The following MACROH2A2 variants were observed in gnomAD, a reference collection of about 807,000 sequenced individuals.
MACROH2A2 encodes the protein macroH2A.2 histone.
A neutral mutation model predicts 37.6 loss-of-function variants in MACROH2A2; 6 were observed. The ratio of observed to expected loss-of-function variants is 0.16; its 90% confidence interval spans 0.09 to 0.32. The LOEUF (loss-of-function observed/expected upper bound fraction) is 0.32. Among genes scored for constraint, MACROH2A2 ranks in the 10% least tolerant of loss-of-function variants. The pLI, the probability that MACROH2A2 is intolerant of heterozygous loss-of-function variation, is 1.00. For synonymous variants in MACROH2A2, 192 were observed against 202.7 expected (o/e 0.95, Z 0.45); for missense variants, 290 against 485.9 (o/e 0.60, Z 3.79).
chr10:70,073,995 G>A (rs779755419), intron 1 of MACROH2A2, among the ~76,000 whole-genome samples: 7 of 152,294 alleles, frequency 4.6e-5, no homozygotes, highest in African/African-American at 7.2e-5. Context: ...CCTTGGGGAA[G>A]AGAGCTTTGA....
In MACROH2A2 at chr10:70,088,189, G is replaced by A. The variant is rs376272958; in HGVS notation, c.173-1871G>A. 9.8e-4 allele frequency among the ~76,000 whole-genome samples: 142 copies of A among 144,482 alleles called. No individual in the cohort carries two copies. In the East Asian group the frequency reaches 0.026, roughly 27 times the overall value. The allele number at this position is 144,482 out of a possible 152,430, so 94.8% of individuals were successfully genotyped here. A position where few individuals can be genotyped will look rare whatever the true frequency, so the allele number is the denominator to read the frequency against. ...CGCACACACACGCACACATATGCCC[G>A]CCTGCACACTCACACACACACAGTA... On this transcript the variant is annotated intron_variant, in intron 2 of 8. Transcript: ENST00000373255.
intron 1 of MACROH2A2, among the ~76,000 whole-genome samples, chr10:70,060,098 G>A (rs1176117115): frequency 1.3e-5 from 2 of 152,150 alleles, no homozygotes; most frequent in African/African-American, 2.4e-5. Flanking sequence ...GGCCAGGTGC[G>A]GTGGTTCACG....
intron 7 of MACROH2A2, among the ~76,000 whole-genome samples, chr10:70,102,893 TAGA>T (rs1312450188): frequency 6.7e-6 from 1 of 149,484 alleles, no homozygotes; most frequent in East Asian, 1.9e-4. Flanking sequence ...AGCCTCCATG[TAGA>T]CAGAGACAGG....
rs181231399 is a variant in MACROH2A2 at position 70,065,233 on chromosome 10, C to T, written c.-59-10367C>T. On this transcript the variant is annotated intron_variant, in intron 1 of 8. Transcript: ENST00000373255. ...CTGGGATTACAGGCACGCACCACCA[C>T]GCTCAGCTAATTTTTGTATTTTTAG... is the stretch of plus-strand genomic sequence containing the variant. 3.4e-4 allele frequency among the ~76,000 whole-genome samples: 52 copies of T among 152,112 alleles called. 1 individual carries two copies. Among genetic ancestry groups the T allele is most frequent in the Admixed American group, 2.6e-3 (39 of 15,274 alleles).
chr10:70,095,325 G>A lies in MACROH2A2; in HGVS notation c.589-329G>A, dbSNP rs906138338. Among the ~76,000 whole-genome samples the A allele has an allele frequency of 1.3e-4, 19 of 149,498 alleles. 1 individual carries two copies. The highest frequency in any genetic ancestry group is 4.7e-4 in the African/African-American group (19 of 40,404). Reference sequence around the variant, plus strand: ...AGAGCTTGCAGTGAGCCGAGATCACGCCACTGCACTCCAGCCTGGGAGACA... The same window carrying A: ...AGAGCTTGCAGTGAGCCGAGATCACACCACTGCACTCCAGCCTGGGAGACA... On this transcript the variant is annotated intron_variant, in intron 5 of 8. Transcript: ENST00000373255.
At chr10:70,063,550 C>T (rs72642213) in intron 1 of MACROH2A2, among the ~76,000 whole-genome samples, 6,341 of 152,268 alleles carry the variant, frequency 0.042, 426 homozygotes, top group East Asian at 0.24. Flanking sequence ...TTTTTTAACA[C>T]GACATTATTA....
At position 70,079,563 on chromosome 10, in the gene MACROH2A2, G is replaced by GCACACACACACACA. The variant is rs372348727; in HGVS notation, c.172+3734_172+3735insACACACACACACAC. Among the ~76,000 whole-genome samples, 19 of 63,174 alleles carry GCACACACACACACA rather than the reference G, an allele frequency of 3.0e-4. 1 individual carries two copies. Among genetic ancestry groups the GCACACACACACACA allele is most frequent in the Non-Finnish European group, 5.6e-4 (16 of 28,776 alleles). The allele number at this position is 63,174 out of a possible 152,430, so 41.4% of individuals were successfully genotyped here. On this transcript the variant is annotated intron_variant, in intron 2 of 8. Coordinates refer to ENST00000373255, the MANE Select transcript of MACROH2A2 (RefSeq NM_018649.3). ...CCACGTTGAGGGTTCGCGCGCGCGC[G>GCACACACACACACA]CGCACACACACACACACACACACAC...
Position 70,081,934 on chromosome 10 carries a change from A to G in MACROH2A2, c.172+6104A>G, listed in dbSNP as rs114312099. Among the ~76,000 whole-genome samples, 1,163 of 152,352 alleles carry G rather than the reference A, an allele frequency of 7.6e-3. 13 individuals are homozygous for G. Among genetic ancestry groups the G allele is most frequent in the African/African-American group, 0.027 (1,117 of 41,574 alleles). ...TAATTATTACACATTTAATGCCTGT[A>G]TCAAAATATCTATGTACCCCATACA... On this transcript the variant is annotated intron_variant, in intron 2 of 8. Coordinates refer to ENST00000373255, the MANE Select transcript of MACROH2A2 (RefSeq NM_018649.3).
chr10:70,067,299 T>A (rs1289276671), intron 1 of MACROH2A2, among the ~76,000 whole-genome samples: 1 of 152,250 alleles, frequency 6.6e-6, no homozygotes, highest in Non-Finnish European at 1.5e-5. Context: ...CTATAGTTAA[T>A]AACTTCAGGG....
chr10:70,071,264 A>G (rs1009728056), intron 1 of MACROH2A2, among the ~76,000 whole-genome samples: 16 of 152,296 alleles, frequency 1.1e-4, no homozygotes, highest in African/African-American at 3.6e-4. Flanking sequence ...AACCAGACTT[A>G]GTAATCATCC....
intron 7 of MACROH2A2, among the ~76,000 whole-genome samples, chr10:70,100,879 A>G (rs1050896572): frequency 6.6e-6 from 1 of 152,130 alleles, no homozygotes; most frequent in African/African-American, 2.4e-5. Context: ...GGCCTCCCAA[A>G]GTGCTGGGAT....
intron 8 of MACROH2A2, among the ~76,000 whole-genome samples, chr10:70,110,781 A>G (rs908856498): frequency 6.6e-6 from 1 of 152,120 alleles, no homozygotes; most frequent in South Asian, 2.1e-4. Context: ...GCTACTGAGG[A>G]GGCTGAGGCA....
chr10:70,074,709 C>T lies in MACROH2A2; in HGVS notation c.-59-891C>T, dbSNP rs556005119. Among the ~76,000 whole-genome samples the T allele has an allele frequency of 1.8e-4, 28 of 152,234 alleles. No individual in the cohort carries two copies. In the South Asian group the frequency reaches 5.4e-3, roughly 29 times the overall value. On this transcript the variant is annotated intron_variant, in intron 1 of 8. Transcript: ENST00000373255. The stretch of plus-strand genomic sequence containing the variant: ...TGGGTTTATAAGAGGAAACCCCTTT[C>T]GCTTGGTTCTCATTCTCTCTTGTCT...
At chr10:70,105,330 G>T (rs1301300533) in intron 7 of MACROH2A2, among the ~76,000 whole-genome samples, 2 of 152,290 alleles carry the variant, frequency 1.3e-5, no homozygotes, top group African/African-American at 4.8e-5. Flanking sequence ...ACAACCAGGC[G>T]GGGACCCCAG....
intron 1 of MACROH2A2, among the ~76,000 whole-genome samples, chr10:70,071,843 T>A (rs1411724480): frequency 6.6e-6 from 1 of 152,160 alleles, no homozygotes; most frequent in Non-Finnish European, 1.5e-5. Flanking sequence ...GCACTTGCCG[T>A]GAATAGAGCT....
intron 2 of MACROH2A2, among the ~76,000 whole-genome samples, chr10:70,084,051 C>A (rs938005325): frequency 6.6e-6 from 1 of 152,082 alleles, no homozygotes; most frequent in Non-Finnish European, 1.5e-5. Flanking sequence ...ACATTTTCAA[C>A]TGACCAGAAC....
intron 1 of MACROH2A2, among the ~76,000 whole-genome samples, chr10:70,060,615 C>G (rs2072044948): frequency 6.6e-6 from 1 of 152,162 alleles, no homozygotes; most frequent in Non-Finnish European, 1.5e-5. Flanking sequence ...GAACACTCAC[C>G]CTAGCCCCTA....
chr10:70,078,035 G>A lies in MACROH2A2; in HGVS notation c.172+2205G>A, dbSNP rs139830390. On this transcript the variant is annotated intron_variant, in intron 2 of 8. Transcript: ENST00000373255. ...CCCTACACTACCCCAATATTTGTGT[G>A]ATGAAAATAACTAAGTACTTCCTGT... Among the ~76,000 whole-genome samples the A allele has an allele frequency of 3.8e-3, 584 of 152,320 alleles. 4 individuals carry two copies. Among genetic ancestry groups the A allele is most frequent in the African/African-American group, 0.013 (559 of 41,574 alleles).
At chr10:70,091,705 T>C in intron 3 of MACROH2A2, 52 bp from the exon 4 acceptor site, 1 of 1,182,078 alleles carries the variant, frequency 8.5e-7, no homozygotes, top group Non-Finnish European at 1.2e-6. Context: ...CTGTATGAAA[T>C]TGGGAACTAG....
Sources: allele counts gnomAD v4.1 joint callset (sites outside exome capture counted in the v4.1 genomes callset), GRCh38; gene constraint gnomAD v4.1.1; transcripts MANE v1.5; gene names NCBI Gene and HGNC (gene_info 2026-07-23, HGNC 2026-07-21).